The following TTC27 variants were observed in gnomAD, a reference collection of about 807,000 sequenced individuals.
The protein encoded by TTC27 is tetratricopeptide repeat domain 27.
Under a neutral mutation model 115.9 loss-of-function variants are expected in TTC27, and 79 were observed. The ratio of observed to expected loss-of-function variants is 0.68; its 90% CI spans 0.57 to 0.82. The LOEUF is 0.82. Among genes scored for constraint, TTC27 ranks in the 40% least tolerant of loss-of-function variants. The pLI is 0.00. For missense variants in TTC27, 1,054 were observed against 993.1 expected (o/e 1.06, Z -0.82); for synonymous variants, 401 against 356.0 (o/e 1.13, Z -1.42).
chr2:32,646,854 C>T lies in TTC27; in HGVS notation c.538-3277C>T, dbSNP rs533699781. 1.1e-4 allele frequency among the ~76,000 whole-genome samples: 17 copies of T among 151,842 alleles called. No homozygotes were observed. In the East Asian group the frequency reaches 1.2e-3, roughly 10 times the overall value. Reference sequence around the variant, plus strand: ...CTGAGATTACAGGCATGAGCCACCGCGCCCGGCCTCTATATTTGTTTTATT... The same window carrying T: ...CTGAGATTACAGGCATGAGCCACCGTGCCCGGCCTCTATATTTGTTTTATT... On this transcript the variant is annotated intron_variant, in intron 4 of 19. Coordinates refer to ENST00000317907, the MANE Select transcript of TTC27 (RefSeq NM_017735.5).
At chr2:32,632,114 A>G (rs188990705) in intron 2 of TTC27, among the ~76,000 whole-genome samples, 1 of 148,362 alleles carries the variant, frequency 6.7e-6, no homozygotes, top group Non-Finnish European at 1.5e-5. Flanking sequence ...CCCAGCCTCC[A>G]TTTAATTTTT....
chr2:32,695,308 G>T (rs754298005), intron 9 of TTC27, among the ~76,000 whole-genome samples: 1 of 152,124 alleles, frequency 6.6e-6, no homozygotes, highest in Non-Finnish European at 1.5e-5. Flanking sequence ...TGTAGGCCAG[G>T]TGTGGTGACT....
At chr2:32,810,361 G>T (rs910833974) in intron 16 of TTC27, among the ~76,000 whole-genome samples, 1 of 152,168 alleles carries the variant, frequency 6.6e-6, no homozygotes, top group Non-Finnish European at 1.5e-5. Context: ...TTTCAATGTT[G>T]TCCTAAATAG....
rs1183847787 is a variant in TTC27, at chr2:32,672,578, A to G, written c.1052+194A>G. On this transcript the variant is annotated intron_variant, in intron 8 of 19. Transcript: ENST00000317907. ...TTACAAATCTCCAATGAGTTGATAT[A>G]TCTATTCTTCTGTTTCCTTTATAAG... Among the ~76,000 whole-genome samples, 4 of 152,246 alleles carry G rather than the reference A, an allele frequency of 2.6e-5. No homozygotes were observed. In the East Asian group the frequency reaches 7.7e-4, roughly 29 times the overall value.
At chr2:32,799,794 G>A (rs1372009408) in intron 16 of TTC27, among the ~76,000 whole-genome samples, 1 of 152,194 alleles carries the variant, frequency 6.6e-6, no homozygotes, top group Non-Finnish European at 1.5e-5. Flanking sequence ...ACGTAATAAT[G>A]ATGGCATTTT....
intron 16 of TTC27, among the ~76,000 whole-genome samples, chr2:32,797,078 G>T (rs59858082): frequency 0.26 from 38,779 of 150,336 alleles, 5,292 homozygotes; most frequent in South Asian, 0.47. Flanking sequence ...GGAGGCTGAG[G>T]CAGGAGAATC....
chr2:32,714,146 CA>C (rs1461911931), intron 10 of TTC27, among the ~76,000 whole-genome samples: 1 of 144,528 alleles, frequency 6.9e-6, no homozygotes, highest in East Asian at 2.2e-4. Context: ...ATATGCAGCG[CA>C]CCCCCGCCCC....
At chr2:32,792,985 G>A (rs1670586595) in intron 16 of TTC27, among the ~76,000 whole-genome samples, 1 of 152,180 alleles carries the variant, frequency 6.6e-6, no homozygotes, top group Non-Finnish European at 1.5e-5. Context: ...TGTGGTTCCT[G>A]ATGGAGGTGA....
Position 32,820,966 on chromosome 2 carries a change from G to A in TTC27, c.*28G>A. 2 of 1,459,438 alleles carry A rather than the reference G, an allele frequency of 1.4e-6. No homozygotes were observed. The allele number at this position is 1,459,438 out of a possible 1,614,324, so 90.4% of individuals were successfully genotyped here. A position where few individuals can be genotyped will look rare whatever the true frequency, so the allele number is the denominator to read the frequency against. ...CTGCTGGAAGCAGATTCTGGAAAAG[G>A]TGCTTTCACCTGCTGGTAAAAGATA... On this transcript the variant is annotated 3_prime_UTR_variant, in exon 20 of 20. Transcript: ENST00000317907.
rs369477125 is a variant in TTC27, at chr2:32,809,222, A to G, written c.1999-1802A>G. 3.3e-5 allele frequency among the ~76,000 whole-genome samples: 5 copies of G among 152,374 alleles called. No individual in the cohort carries two copies. The South Asian group carries it at 1.0e-3, about 32-fold the overall frequency. ...CAGAATGTTCTAGGAGGAGACAGCA[A>G]GATCTCACACTGGTTGCATTTCTCT... On this transcript the variant is annotated intron_variant, in intron 16 of 19. Transcript: ENST00000317907.
At chr2:32,775,726 A>G (rs988655816) in intron 13 of TTC27, among the ~76,000 whole-genome samples, 4 of 152,224 alleles carry the variant, frequency 2.6e-5, no homozygotes, top group African/African-American at 9.6e-5. Context: ...TTGTATAGAA[A>G]AAAAAATGTT....
chr2:32,678,383 TATA>T (rs1196154964), intron 8 of TTC27, among the ~76,000 whole-genome samples: 8 of 152,096 alleles, frequency 5.3e-5, no homozygotes, highest in Non-Finnish European at 1.2e-4. Context: ...TACATTTGTA[TATA>T]ATGCCATAGT....
At chr2:32,634,085 C>A in intron 3 of TTC27, 80 bp downstream of exon 3, 1 of 1,448,298 alleles carries the variant, frequency 6.9e-7, no homozygotes, top group South Asian at 1.4e-5. Context: ...AACTGGAACT[C>A]ATAGTAGGAA....
intron 13 of TTC27, among the ~76,000 whole-genome samples, chr2:32,761,764 T>A (rs1008466601): frequency 1.3e-5 from 2 of 152,210 alleles, no homozygotes; most frequent in Non-Finnish European, 2.9e-5. Context: ...TTCCCTGCTT[T>A]ATTTTTTTCC....
chr2:32,807,775 AATG>A (rs1297713181), intron 16 of TTC27, among the ~76,000 whole-genome samples: 1 of 152,008 alleles, frequency 6.6e-6, no homozygotes, highest in Non-Finnish European at 1.5e-5. Context: ...ACTCACCCTT[AATG>A]ATTGCCAAAT....
chr2:32,722,205 G>A (rs1167037351), intron 10 of TTC27, among the ~76,000 whole-genome samples: 1 of 152,186 alleles, frequency 6.6e-6, no homozygotes, highest in Non-Finnish European at 1.5e-5. Flanking sequence ...TGTATAGTGT[G>A]CTGGGTCATG....
At chr2:32,781,406 C>T (rs1211685776) in intron 14 of TTC27, among the ~76,000 whole-genome samples, 2 of 151,924 alleles carry the variant, frequency 1.3e-5, no homozygotes, top group Non-Finnish European at 2.9e-5. Context: ...AGGAAATTTT[C>T]CTGCTTCTTC....
intron 4 of TTC27, among the ~76,000 whole-genome samples, chr2:32,646,185 T>C (rs1466697574): frequency 6.6e-6 from 1 of 151,294 alleles, no homozygotes; most frequent in Non-Finnish European, 1.5e-5. Flanking sequence ...CCCACCACCA[T>C]GTGCAGCTAA....
At chr2:32,628,739 C>T (rs566609550) in intron 1 of TTC27, among the ~76,000 whole-genome samples, 374 of 145,082 alleles carry the variant, frequency 2.6e-3, no homozygotes, top group African/African-American at 8.7e-3. Flanking sequence ...TTTATTTTAT[C>T]TATTTATTTA....
Sources: allele counts gnomAD v4.1 joint callset (sites outside exome capture counted in the v4.1 genomes callset), GRCh38; gene constraint gnomAD v4.1.1; transcripts MANE v1.5; gene names NCBI Gene and HGNC (gene_info 2026-07-23, HGNC 2026-07-21).